The following SLC9A9 variants were observed in gnomAD, a reference collection of about 807,000 sequenced individuals.
SLC9A9 encodes solute carrier family 9 member A9.
SLC9A9 carries 62 observed loss-of-function variants against 77.8 expected under a neutral mutation model. The ratio of observed to expected loss-of-function variants is 0.80; its 90% CI spans 0.65 to 0.98. The LOEUF is 0.98. Ranked by LOEUF, SLC9A9 falls within the 50% of genes least tolerant of loss-of-function variation. The probability of loss-of-function intolerance (pLI) is 0.00; values close to 1 mark genes in which losing one functional copy is unlikely to be tolerated. For missense variants in SLC9A9, 775 were observed against 774.9 expected (o/e 1.00, Z 0.00); for synonymous variants, 320 against 283.5 (o/e 1.13, Z -1.29).
rs758269976 is a variant in SLC9A9 at position 143,848,268 on chromosome 3, G to C, written c.55C>G (p.Gln19Glu). The C allele has an allele frequency of 5.6e-6, 9 of 1,613,976 alleles. No homozygotes were observed. The South Asian group carries it at 6.6e-5, about 12-fold the overall frequency. The change falls in exon 1 of 16, where the codon CAG becomes GAG. Residue 19 changes from glutamine (Q) to glutamate (E), a missense_variant. Coordinates refer to ENST00000316549, the MANE Select transcript of SLC9A9 (RefSeq NM_173653.4). ...SEKDEYQFQHQGAVELLVFNF... is the reference protein window; with the variant it reads ...SEKDEYQFQHEGAVELLVFNF... ...AAGACAAGCAGCTCCACCGCTCCCTGATGTTGAAACTGATACTCATCCTTT... is the reference window on the plus strand; with the variant it reads ...AAGACAAGCAGCTCCACCGCTCCCTCATGTTGAAACTGATACTCATCCTTT...
chr3:143,649,792 G>T (rs2038767519), intron 6 of SLC9A9, among the ~76,000 whole-genome samples: 1 of 152,130 alleles, frequency 6.6e-6, no homozygotes, highest in South Asian at 2.1e-4. Context: ...TAATTGGGTT[G>T]CACATCAAAA....
At chr3:143,494,447 T>C (rs2035800449) in intron 10 of SLC9A9, among the ~76,000 whole-genome samples, 1 of 152,248 alleles carries the variant, frequency 6.6e-6, no homozygotes, top group South Asian at 2.1e-4. Context: ...TAACTTCCTT[T>C]TAAAATCCAG....
intron 9 of SLC9A9, 101 bp from the exon 10 acceptor site, chr3:143,495,549 T>C: frequency 1.1e-6 from 1 of 879,662 alleles, no homozygotes; most frequent in East Asian, 2.5e-5. Flanking sequence ...GTCTCCTTTA[T>C]CTGGAAGGCC....
intron 12 of SLC9A9, among the ~76,000 whole-genome samples, chr3:143,421,404 A>G (rs1244219169): frequency 6.6e-6 from 1 of 152,192 alleles, no homozygotes; most frequent in East Asian, 1.9e-4. Context: ...GTACTGGTAC[A>G]AAAACAGACA....
In SLC9A9 at chr3:143,471,164, C is replaced by T. The variant is rs62267825; in HGVS notation, c.1316-3974G>A. Among the ~76,000 whole-genome samples the T allele has an allele frequency of 7.2e-3, 1,095 of 152,276 alleles. 6 individuals are homozygous for T. The highest frequency in any genetic ancestry group is 9.8e-3 in the Non-Finnish European group (665 of 68,028). On this transcript the variant is annotated intron_variant, in intron 11 of 15. Transcript: ENST00000316549. ...TAGCCCTGGTAACATGTGGCACGCA[C>T]GGCACTGCGGCACTGGAAGCACGGG...
At chr3:143,401,999 C>G (rs564644111) in intron 12 of SLC9A9, among the ~76,000 whole-genome samples, 3 of 152,086 alleles carry the variant, frequency 2.0e-5, no homozygotes, top group Admixed American at 2.0e-4. Context: ...ATTCTACTGG[C>G]CTTCCTGATG....
intron 6 of SLC9A9, among the ~76,000 whole-genome samples, chr3:143,609,215 A>G (rs1238605446): frequency 6.6e-6 from 1 of 152,184 alleles, no homozygotes; most frequent in African/African-American, 2.4e-5. Context: ...AGCAAATAAC[A>G]GTTCTGGACA....
intron 12 of SLC9A9, among the ~76,000 whole-genome samples, chr3:143,406,978 G>GAAA (rs57344964): frequency 1.4e-5 from 1 of 69,388 alleles, no homozygotes; most frequent in Non-Finnish European, 2.8e-5. Context: ...TCCATCTCGA[G>GAAA]AAAAAAAAAA....
intron 14 of SLC9A9, among the ~76,000 whole-genome samples, chr3:143,350,532 C>A (rs968091004): frequency 1.3e-5 from 2 of 152,186 alleles, no homozygotes; most frequent in Non-Finnish European, 2.9e-5. Flanking sequence ...TCACTTAACC[C>A]CAAGCACACA....
intron 12 of SLC9A9, among the ~76,000 whole-genome samples, chr3:143,420,489 T>C (rs1321705996): frequency 6.6e-6 from 1 of 152,236 alleles, no homozygotes; most frequent in Admixed American, 6.5e-5. Context: ...GCCTTCAATA[T>C]GCGACTTATA....
At chr3:143,847,926 G>A (rs1005163820) in intron 1 of SLC9A9, 3 of 588,086 alleles carry the variant, frequency 5.1e-6, no homozygotes, top group East Asian at 5.8e-5. Context: ...ATTATGTGCC[G>A]TGTGAGAACA....
At chr3:143,435,976 C>T (rs2034614866) in intron 12 of SLC9A9, among the ~76,000 whole-genome samples, 1 of 152,202 alleles carries the variant, frequency 6.6e-6, no homozygotes, top group Non-Finnish European at 1.5e-5. Flanking sequence ...AGGAAAATTA[C>T]AGACACAACA....
chr3:143,574,026 C>T, intron 8 of SLC9A9, 62 bp downstream of exon 8: 2 of 1,425,186 alleles, frequency 1.4e-6, no homozygotes, highest in Non-Finnish European at 2.0e-6. Context: ...CAGGGAGGGG[C>T]ACACACCAGA....
chr3:143,737,084 A>T (rs1934958102), intron 4 of SLC9A9, among the ~76,000 whole-genome samples: 1 of 152,242 alleles, frequency 6.6e-6, no homozygotes, highest in African/African-American at 2.4e-5. Context: ...CTAATAACTC[A>T]GTAGACTTCA....
chr3:143,624,136 C>T (rs1379149991), intron 6 of SLC9A9, among the ~76,000 whole-genome samples: 2 of 152,070 alleles, frequency 1.3e-5, no homozygotes, highest in East Asian at 3.9e-4. Flanking sequence ...GCTTACCAAC[C>T]AAAAAAAGTT....
chr3:143,316,436 A>G (rs2031215186), intron 14 of SLC9A9, among the ~76,000 whole-genome samples: 1 of 152,226 alleles, frequency 6.6e-6, no homozygotes, highest in African/African-American at 2.4e-5. Flanking sequence ...CTCTGGGAGC[A>G]TATAGGACTG....
intron 4 of SLC9A9, among the ~76,000 whole-genome samples, chr3:143,741,262 A>C (rs1191300940): frequency 6.6e-6 from 1 of 152,108 alleles, no homozygotes; most frequent in Non-Finnish European, 1.5e-5. Flanking sequence ...GAAAGTAAGA[A>C]AGTGACTCTC....
chr3:143,308,861 A>G (rs539635722), intron 14 of SLC9A9, among the ~76,000 whole-genome samples: 3 of 152,252 alleles, frequency 2.0e-5, no homozygotes, highest in Admixed American at 2.0e-4. Flanking sequence ...TCTTCCAGAA[A>G]GACACCTGAA....
chr3:143,516,360 C>T lies in SLC9A9; in HGVS notation c.1090-20912G>A, dbSNP rs1042231904. ...TATTTCTTTTTATTTCAGCTTTTAT[C>T]TTTATTTTTTGCTAAATTCTGCATT... On this transcript the variant is annotated intron_variant, in intron 9 of 15. Transcript: ENST00000316549. Among the ~76,000 whole-genome samples, 38 of 151,990 alleles carry T rather than the reference C, an allele frequency of 2.5e-4. 1 individual carries two copies. Among genetic ancestry groups the T allele is most frequent in the African/African-American group, 6.7e-4 (28 of 41,490 alleles).
Sources: allele counts gnomAD v4.1 joint callset (sites outside exome capture counted in the v4.1 genomes callset), GRCh38; gene constraint gnomAD v4.1.1; transcripts MANE v1.5; gene names NCBI Gene and HGNC (gene_info 2026-07-23, HGNC 2026-07-21).